Variants in BTBD7 observed in about 807,000 individuals in gnomAD.
The protein encoded by BTBD7 is BTB/POZ domain-containing protein 7.
In BTBD7, 38 loss-of-function variants were observed where a neutral mutation model predicts 99.9. That is an observed-to-expected ratio of 0.38 (90% CI 0.29 to 0.50). The LOEUF is 0.50. Among genes scored for constraint, BTBD7 ranks in the 20% least tolerant of loss-of-function variants. The pLI, the probability that BTBD7 is intolerant of heterozygous loss-of-function variation, is 0.93. For missense variants in BTBD7, 1,170 were observed against 1,394.6 expected (o/e 0.84, Z 2.57); for synonymous variants, 520 against 511.4 (o/e 1.02, Z -0.23).
chr14:93,303,270 A>G (rs1005299906), intron 1 of BTBD7, among the ~76,000 whole-genome samples: 12 of 152,188 alleles, frequency 7.9e-5, no homozygotes, highest in Non-Finnish European at 1.3e-4. Context: ...GGGCAATATA[A>G]TAACACCTAC....
At chr14:93,278,879 T>C (rs1308104797) in intron 3 of BTBD7, among the ~76,000 whole-genome samples, 3 of 152,178 alleles carry the variant, frequency 2.0e-5, no homozygotes, top group Non-Finnish European at 4.4e-5. Context: ...CCCATTTGGC[T>C]GTAAATGGAG....
intron 3 of BTBD7, among the ~76,000 whole-genome samples, chr14:93,267,389 T>C (rs1294960969): frequency 6.6e-6 from 1 of 152,196 alleles, no homozygotes; most frequent in Non-Finnish European, 1.5e-5. Context: ...CTGAGATTAT[T>C]TCCTACCTCA....
At chr14:93,312,540 T>C (rs1339241984) in intron 1 of BTBD7, among the ~76,000 whole-genome samples, 2 of 152,168 alleles carry the variant, frequency 1.3e-5, no homozygotes, top group African/African-American at 4.8e-5. Flanking sequence ...TGCACCTGAA[T>C]GTGTGTTCTG....
intron 1 of BTBD7, among the ~76,000 whole-genome samples, chr14:93,304,206 G>T (rs111432593): frequency 6.6e-6 from 1 of 152,092 alleles, no homozygotes; most frequent in Non-Finnish European, 1.5e-5. Context: ...CACTGAGCCC[G>T]GCACACAATA....
At chr14:93,277,961 C>A (rs2052675443) in intron 3 of BTBD7, among the ~76,000 whole-genome samples, 1 of 152,196 alleles carries the variant, frequency 6.6e-6, no homozygotes, top group Admixed American at 6.5e-5. Flanking sequence ...CAGCGGTTCA[C>A]ACCTCTTTAT....
At chr14:93,310,929 G>A (rs1407302817) in intron 1 of BTBD7, among the ~76,000 whole-genome samples, 16 of 151,770 alleles carry the variant, frequency 1.1e-4, no homozygotes, top group Admixed American at 1.0e-3. Flanking sequence ...GTTGAAAAAC[G>A]ATCACATGAT....
intron 3 of BTBD7, among the ~76,000 whole-genome samples, chr14:93,289,577 A>C (rs1297461108): frequency 5.3e-5 from 8 of 152,000 alleles, no homozygotes; most frequent in Non-Finnish European, 1.0e-4. Flanking sequence ...CATCTTCCCC[A>C]TTGTTGTTTT....
At chr14:93,271,943 T>G in intron 3 of BTBD7, among the ~76,000 whole-genome samples, 1 of 152,072 alleles carries the variant, frequency 6.6e-6, no homozygotes, top group East Asian at 1.9e-4. Context: ...GAGGTAGAGG[T>G]TGCAGTGAGC....
At chr14:93,283,785 TA>T (rs2052748195) in intron 3 of BTBD7, among the ~76,000 whole-genome samples, 1 of 152,176 alleles carries the variant, frequency 6.6e-6, no homozygotes, top group Non-Finnish European at 1.5e-5. Flanking sequence ...CTCCTGGCCT[TA>T]AGTAATCTGC....
intron 3 of BTBD7, among the ~76,000 whole-genome samples, chr14:93,272,523 C>T (rs1251810536): frequency 1.3e-5 from 2 of 152,188 alleles, no homozygotes; most frequent in African/African-American, 4.8e-5. Context: ...CACTAGAATA[C>T]CACCTTAGTT....
intron 3 of BTBD7, chr14:93,288,615 A>G: frequency 9.4e-7 from 1 of 1,067,140 alleles, no homozygotes; most frequent in Non-Finnish European, 1.5e-6. Flanking sequence ...ATGTCCAGTT[A>G]TCCTTGGATG....
At chr14:93,290,429 G>A (rs1164000659) in intron 3 of BTBD7, among the ~76,000 whole-genome samples, 1 of 149,424 alleles carries the variant, frequency 6.7e-6, no homozygotes, top group Non-Finnish European at 1.5e-5. Flanking sequence ...AGCCAGGATG[G>A]TCTCGATCTC....
chr14:93,242,487 G>C lies in BTBD7; in HGVS notation c.3185C>G (p.Thr1062Ser), dbSNP rs747016085. The change falls in exon 11 of 11, where the codon ACT becomes AGT. Residue 1062 changes from threonine to serine, a missense_variant. Transcript: ENST00000334746. ...AHVRGRTAVE[T>S]DLTFGLTPNR... is the part of the protein sequence containing the mutation. ...AGGAGTCAGCCCAAAAGTCAAGTCAGTTTCTACTGCAGTTCGTCCCCTGAC... is the reference window on the plus strand; with the variant it reads ...AGGAGTCAGCCCAAAAGTCAAGTCACTTTCTACTGCAGTTCGTCCCCTGAC... 15 of 1,614,136 alleles carry C rather than the reference G, an allele frequency of 9.3e-6. No individual in the cohort carries two copies. The highest frequency in any genetic ancestry group is 1.3e-5 in the Non-Finnish European group (15 of 1,180,052).
chr14:93,249,266 C>CAAAAA lies in BTBD7; in HGVS notation c.1943-617_1943-613dup, dbSNP rs56893984. On this transcript the variant is annotated intron_variant, in intron 8 of 10. Coordinates refer to ENST00000334746, the MANE Select transcript of BTBD7 (RefSeq NM_001002860.4). The stretch of plus-strand genomic sequence containing the variant: ...GAAGAATGAAAGGAAACCAGATAGG[C>CAAAAA]AAAAAAAAAAAAAAAAAAAAAAAAA... Among the ~76,000 whole-genome samples the CAAAAA allele has an allele frequency of 3.5e-4, 9 of 25,940 alleles. 2 individuals carry two copies. Among genetic ancestry groups the CAAAAA allele is most frequent in the African/African-American group, 1.1e-3 (8 of 7,464 alleles). 17.0% of individuals were successfully genotyped at this position (25,940 alleles called of 152,430 possible). A position where few individuals can be genotyped will look rare whatever the true frequency, so the allele number is the denominator to read the frequency against.
chr14:93,240,031 G>C lies in BTBD7; in HGVS notation c.*2242C>G, dbSNP rs551393066. The C allele has an allele frequency of 7.6e-4, 114 of 150,830 alleles. 2 individuals are homozygous for C. The highest frequency in any genetic ancestry group is 2.6e-3 in the African/African-American group (109 of 41,246). 9.3% of individuals were successfully genotyped at this position (150,830 alleles called of 1,614,324 possible). Reference sequence around the variant, plus strand: ...CATGACGGCATTCACTTTTGTTTCTGAAGACAGACAGAGACTGGGCTTCAA... The same window carrying C: ...CATGACGGCATTCACTTTTGTTTCTCAAGACAGACAGAGACTGGGCTTCAA... On this transcript the variant is annotated 3_prime_UTR_variant, in exon 11 of 11. Coordinates refer to ENST00000334746, the MANE Select transcript of BTBD7 (RefSeq NM_001002860.4).
At chr14:93,296,691 A>G (rs1159116457) in intron 1 of BTBD7, among the ~76,000 whole-genome samples, 1 of 152,242 alleles carries the variant, frequency 6.6e-6, no homozygotes, top group African/African-American at 2.4e-5. Flanking sequence ...AAGGTGGACA[A>G]TTAAAGCTAA....
Position 93,242,796 on chromosome 14 carries a change from G to A in BTBD7, c.2876C>T (p.Ala959Val). The A allele has an allele frequency of 1.9e-6, 3 of 1,614,210 alleles. No homozygotes were observed. Among genetic ancestry groups the A allele is most frequent in the Non-Finnish European group, 2.5e-6 (3 of 1,180,038 alleles). ...SNAACRPSTP[A>V]LSRRTPSPSQ... ...AGGGGAAGGGGTGCGTCTGCTGAGAGCAGGAGTAGAAGGTCTGCAAGCAGC... is the reference window on the plus strand; with the variant it reads ...AGGGGAAGGGGTGCGTCTGCTGAGAACAGGAGTAGAAGGTCTGCAAGCAGC... The change falls in exon 11 of 11, where the codon GCT (alanine) becomes GTT (valine). Residue 959 changes from alanine to valine, a missense_variant. Transcript: ENST00000334746.
At chr14:93,300,782 A>C (rs796836539) in intron 1 of BTBD7, among the ~76,000 whole-genome samples, 1 of 63,758 alleles carries the variant, frequency 1.6e-5, no homozygotes, top group Non-Finnish European at 3.0e-5. Flanking sequence ...GTATATATAT[A>C]TATATTTTTT....
At chr14:93,254,565 T>C (rs1199680915) in intron 6 of BTBD7, among the ~76,000 whole-genome samples, 1 of 152,102 alleles carries the variant, frequency 6.6e-6, no homozygotes, top group African/African-American at 2.4e-5. Context: ...AAACTTCAAC[T>C]CCTGCATTTA....
Sources: gnomAD v4.1 joint callset for allele counts (sites outside exome capture counted in the v4.1 genomes callset) on GRCh38, gnomAD v4.1.1 for gene constraint, MANE v1.5 for transcripts, NCBI Gene and HGNC (gene_info 2026-07-23, HGNC 2026-07-21) for gene names.